The following PRDM5 variants were observed in gnomAD, a reference collection of about 807,000 sequenced individuals.
PRDM5 encodes PR/SET domain 5.
A neutral mutation model predicts 81.2 loss-of-function variants in PRDM5; 56 were observed. The observed-to-expected ratio is 0.69, with a 90% confidence interval of 0.56 to 0.86. The LOEUF (loss-of-function observed/expected upper bound fraction) is 0.86, where lower values mean the gene tolerates loss of function less well. PRDM5 is among the 40% of genes least tolerant of loss of function. The pLI is 0.00. For missense variants in PRDM5, 697 were observed against 770.1 expected (o/e 0.91, Z 1.12); for synonymous variants, 267 against 256.4 (o/e 1.04, Z -0.39).
chr4:120,716,354 G>C (rs767546213), intron 14 of PRDM5, among the ~76,000 whole-genome samples: 1 of 152,122 alleles, frequency 6.6e-6, no homozygotes, highest in Non-Finnish European at 1.5e-5. Flanking sequence ...TCCAATTAAA[G>C]AAGTTTGAAG....
chr4:120,902,819 A>C (rs548880737), intron 2 of PRDM5, among the ~76,000 whole-genome samples: 1 of 152,350 alleles, frequency 6.6e-6, no homozygotes, highest in East Asian at 1.9e-4. Context: ...AGTGGGCATC[A>C]GTAAGTTCTA....
chr4:120,750,237 A>C (rs886440235), intron 14 of PRDM5, among the ~76,000 whole-genome samples: 8 of 152,192 alleles, frequency 5.3e-5, no homozygotes, highest in Non-Finnish European at 7.3e-5. Flanking sequence ...TAGAGGCAGA[A>C]ATGCTGATAA....
chr4:120,823,694 C>G (rs931722960), intron 3 of PRDM5, among the ~76,000 whole-genome samples: 3 of 152,194 alleles, frequency 2.0e-5, no homozygotes, highest in Non-Finnish European at 4.4e-5. Flanking sequence ...TGCCAGATCC[C>G]TAATTTCTGG....
At chr4:120,854,887 G>A (rs1433822779) in intron 2 of PRDM5, among the ~76,000 whole-genome samples, 3 of 151,946 alleles carry the variant, frequency 2.0e-5, no homozygotes, top group African/African-American at 7.2e-5. Flanking sequence ...CAAGTGAAAG[G>A]CAAGGAGAAA....
At chr4:120,908,228 T>C (rs564930477) in intron 1 of PRDM5, among the ~76,000 whole-genome samples, 2 of 152,316 alleles carry the variant, frequency 1.3e-5, no homozygotes, top group Admixed American at 1.3e-4. Context: ...TAAGGACATG[T>C]TCAATGGGCA....
At chr4:120,865,712 G>A (rs1233061927) in intron 2 of PRDM5, among the ~76,000 whole-genome samples, 4 of 152,180 alleles carry the variant, frequency 2.6e-5, no homozygotes, top group Non-Finnish European at 4.4e-5. Flanking sequence ...TGGGTAACCT[G>A]AATGGTGAAT....
At chr4:120,703,748 C>T (rs1316634769) in intron 15 of PRDM5, among the ~76,000 whole-genome samples, 31 of 152,046 alleles carry the variant, frequency 2.0e-4, no homozygotes, top group Admixed American at 2.0e-3. Context: ...CAAAAGGTTA[C>T]CTAGGTTTCC....
chr4:120,740,445 C>T (rs1290996404), intron 14 of PRDM5, among the ~76,000 whole-genome samples: 2 of 151,976 alleles, frequency 1.3e-5, no homozygotes, highest in African/African-American at 2.4e-5. Flanking sequence ...AGTATCCGCT[C>T]CTCCCCTCCT....
intron 14 of PRDM5, among the ~76,000 whole-genome samples, chr4:120,740,229 A>G (rs1398649301): frequency 6.6e-6 from 1 of 152,236 alleles, no homozygotes; most frequent in Admixed American, 6.5e-5. Context: ...ATTTTCAAAC[A>G]GTGACAATGA....
intron 15 of PRDM5, among the ~76,000 whole-genome samples, chr4:120,695,496 T>C (rs867646781): frequency 6.6e-6 from 1 of 152,160 alleles, no homozygotes; most frequent in Non-Finnish European, 1.5e-5. Flanking sequence ...TAATGGAATG[T>C]ATTTGCCATT....
intron 15 of PRDM5, among the ~76,000 whole-genome samples, chr4:120,707,304 T>C (rs1174109944): frequency 6.8e-6 from 1 of 146,898 alleles, no homozygotes. Flanking sequence ...TAATACATCA[T>C]ACGAACAGAA....
chr4:120,758,435 A>G (rs916711658), intron 13 of PRDM5, among the ~76,000 whole-genome samples: 3 of 152,080 alleles, frequency 2.0e-5, no homozygotes, highest in African/African-American at 4.8e-5. Flanking sequence ...GTTGTTGCAA[A>G]CGTTACTGGA....
intron 1 of PRDM5, among the ~76,000 whole-genome samples, chr4:120,921,379 A>G (rs1724891811): frequency 6.6e-6 from 1 of 152,238 alleles, no homozygotes; most frequent in South Asian, 2.1e-4. Flanking sequence ...CTCCCACTTG[A>G]AAAAATAAAT....
intron 14 of PRDM5, among the ~76,000 whole-genome samples, chr4:120,723,200 AC>A (rs1257838424): frequency 3.3e-5 from 5 of 152,226 alleles, no homozygotes; most frequent in Admixed American, 6.5e-5. Flanking sequence ...ATGAAAATAC[AC>A]AACACAGTCT....
chr4:120,749,729 C>T (rs965348462), intron 14 of PRDM5, among the ~76,000 whole-genome samples: 3 of 152,162 alleles, frequency 2.0e-5, no homozygotes, highest in African/African-American at 4.8e-5. Context: ...GTGTTCTGTT[C>T]CAGGCAATGA....
chr4:120,886,707 G>T (rs919183632), intron 2 of PRDM5, among the ~76,000 whole-genome samples: 1 of 152,050 alleles, frequency 6.6e-6, no homozygotes, highest in Non-Finnish European at 1.5e-5. Context: ...AATATGAAAT[G>T]AACTTTTATT....
intron 8 of PRDM5, among the ~76,000 whole-genome samples, chr4:120,807,735 G>A (rs966030128): frequency 3.9e-5 from 6 of 152,108 alleles, no homozygotes; most frequent in Non-Finnish European, 7.4e-5. Context: ...GATGTGTTTG[G>A]AGTTTCTTCC....
chr4:120,750,961 CTATT>C (rs1036666757), intron 14 of PRDM5, among the ~76,000 whole-genome samples: 58 of 152,206 alleles, frequency 3.8e-4, no homozygotes, highest in African/African-American at 1.3e-3. Flanking sequence ...AATACAGAAA[CTATT>C]TATTTTCTTA....
intron 14 of PRDM5, among the ~76,000 whole-genome samples, chr4:120,729,320 ACT>A (rs1739917572): frequency 6.6e-6 from 1 of 152,096 alleles, no homozygotes; most frequent in Non-Finnish European, 1.5e-5. Flanking sequence ...TACCCTTAAG[ACT>A]CTATTTCCTT....
Sources: allele counts gnomAD v4.1 joint callset (sites outside exome capture counted in the v4.1 genomes callset), GRCh38; gene constraint gnomAD v4.1.1; transcripts MANE v1.5; gene names NCBI Gene and HGNC (gene_info 2026-07-23, HGNC 2026-07-21).